The following CCSER1 variants were observed in gnomAD, a reference collection of about 807,000 sequenced individuals.
The protein encoded by CCSER1 is coiled-coil serine rich protein 1.
Under a neutral mutation model 82.0 loss-of-function variants are expected in CCSER1, and 41 were observed. That is an observed-to-expected ratio of 0.50 (90% CI 0.39 to 0.65). The LOEUF (loss-of-function observed/expected upper bound fraction) is 0.65, where lower values mean the gene tolerates loss of function less well. CCSER1 is among the 30% of genes least tolerant of loss of function. The pLI, the probability that CCSER1 is intolerant of heterozygous loss-of-function variation, is 0.00. For synonymous variants in CCSER1, 414 were observed against 383.9 expected (o/e 1.08, Z -0.92); for missense variants, 1,119 against 1,064.2 (o/e 1.05, Z -0.72).
chr4:91,461,406 G>A (rs1756490865), intron 10 of CCSER1, among the ~76,000 whole-genome samples: 1 of 151,980 alleles, frequency 6.6e-6, no homozygotes, highest in Admixed American at 6.6e-5. Flanking sequence ...GACCACACAG[G>A]TACAAAGTGG....
chr4:90,149,529 C>G (rs188383494), intron 1 of CCSER1, among the ~76,000 whole-genome samples: 1 of 152,174 alleles, frequency 6.6e-6, no homozygotes, highest in East Asian at 1.9e-4. Flanking sequence ...TGAGATTTCT[C>G]TAAGACAATC....
At chr4:91,053,945 G>A (rs539216888) in intron 9 of CCSER1, among the ~76,000 whole-genome samples, 5 of 152,256 alleles carry the variant, frequency 3.3e-5, no homozygotes, top group Non-Finnish European at 7.4e-5. Flanking sequence ...CCCTATGGAG[G>A]GACATGTGGA....
At chr4:90,547,962 T>C (rs1471417626) in intron 5 of CCSER1, among the ~76,000 whole-genome samples, 2 of 152,154 alleles carry the variant, frequency 1.3e-5, no homozygotes, top group Non-Finnish European at 2.9e-5. Flanking sequence ...TCCAAATAAA[T>C]AGGGCCATCT....
chr4:90,442,851 CAG>C (rs1760092684), intron 4 of CCSER1, among the ~76,000 whole-genome samples: 1 of 152,122 alleles, frequency 6.6e-6, no homozygotes, highest in South Asian at 2.1e-4. Context: ...ATTATGCTGA[CAG>C]AGAGAGTGCC....
intron 10 of CCSER1, among the ~76,000 whole-genome samples, chr4:91,258,718 A>G (rs750062927): frequency 4.6e-5 from 7 of 152,180 alleles, no homozygotes; most frequent in Non-Finnish European, 8.8e-5. Context: ...GTCAAGTCCT[A>G]TGCTAATATG....
chr4:90,424,445 G>T (rs909676590), intron 4 of CCSER1, among the ~76,000 whole-genome samples: 4 of 151,854 alleles, frequency 2.6e-5, no homozygotes, highest in Non-Finnish European at 5.9e-5. Flanking sequence ...TCAGTATACC[G>T]CTAACTATAA....
At chr4:91,334,963 C>G (rs550903457) in intron 10 of CCSER1, among the ~76,000 whole-genome samples, 4 of 151,610 alleles carry the variant, frequency 2.6e-5, no homozygotes, top group Non-Finnish European at 5.9e-5. Context: ...TTGAATTCTG[C>G]CTGAAGGTTT....
intron 1 of CCSER1, among the ~76,000 whole-genome samples, chr4:90,157,505 A>G (rs192925514): frequency 6.6e-6 from 1 of 152,308 alleles, no homozygotes; most frequent in African/African-American, 2.4e-5. Flanking sequence ...TCACTTTCAG[A>G]TACACCAATC....
At chr4:90,539,563 C>G (rs760207031) in intron 5 of CCSER1, among the ~76,000 whole-genome samples, 11 of 152,200 alleles carry the variant, frequency 7.2e-5, no homozygotes, top group Non-Finnish European at 1.2e-4. Flanking sequence ...CACTGGAATA[C>G]AGACTCTAAT....
In CCSER1 at chr4:91,538,702, T is replaced by TATTATATATATATATATATTATATATATA. The variant is rs1211686513; in HGVS notation, c.2218-59868_2218-59867insTATATATATATATATATTATATATATAAT. The stretch of plus-strand genomic sequence containing the variant: ...ATGATATATATTATATATACACATA[T>TATTATATATATATATATATTATATATATA]ATATATATAATATCTCAGTGCCATC... On this transcript the variant is annotated intron_variant, in intron 10 of 10. Transcript: ENST00000509176. Among the ~76,000 whole-genome samples the TATTATATATATATATATATTATATATATA allele has an allele frequency of 9.8e-3, 1,422 of 145,528 alleles. 23 individuals carry two copies. Among genetic ancestry groups the TATTATATATATATATATATTATATATATA allele is most frequent in the African/African-American group, 0.034 (1,345 of 39,588 alleles).
At chr4:90,903,868 A>G (rs1209129811) in intron 8 of CCSER1, among the ~76,000 whole-genome samples, 1 of 151,944 alleles carries the variant, frequency 6.6e-6, no homozygotes, top group Admixed American at 6.6e-5. Flanking sequence ...AGACAGGTAA[A>G]CATAGTAACC....
At chr4:90,863,713 G>A (rs146740013) in intron 8 of CCSER1, among the ~76,000 whole-genome samples, 51 of 151,844 alleles carry the variant, frequency 3.4e-4, no homozygotes, top group African/African-American at 1.2e-3. Context: ...AAGCAAAAAG[G>A]CAAAGAAAGA....
At chr4:90,234,502 C>T (rs1176761503) in intron 1 of CCSER1, among the ~76,000 whole-genome samples, 1 of 152,220 alleles carries the variant, frequency 6.6e-6, no homozygotes, top group East Asian at 1.9e-4. Context: ...CAGGCTTGAG[C>T]GACTGCGCCT....
rs142560147 is a variant in CCSER1 at position 90,829,618 on chromosome 4, C to G, written c.2094+13773C>G. Among the ~76,000 whole-genome samples, 84 of 152,030 alleles carry G rather than the reference C, an allele frequency of 5.5e-4. 1 individual carries two copies. The highest frequency in any genetic ancestry group is 2.0e-3 in the African/African-American group (83 of 41,444). The stretch of plus-strand genomic sequence containing the variant: ...AGGGGCATAGAGCAGAAAAAGAGAG[C>G]GAGGCAAGTTTCAGAGCAGGAGTGG... On this transcript the variant is annotated intron_variant, in intron 8 of 10. Transcript: ENST00000509176.
chr4:90,875,239 G>T (rs1767054154), intron 8 of CCSER1, among the ~76,000 whole-genome samples: 1 of 152,084 alleles, frequency 6.6e-6, no homozygotes, highest in Admixed American at 6.6e-5. Flanking sequence ...AGAAAAGGGG[G>T]ATGATAAATG....
chr4:90,442,931 C>A (rs1229916077), intron 4 of CCSER1, among the ~76,000 whole-genome samples: 1 of 151,806 alleles, frequency 6.6e-6, no homozygotes, highest in Non-Finnish European at 1.5e-5. Flanking sequence ...CAGTAATAGC[C>A]CCTTATCCTC....
intron 4 of CCSER1, among the ~76,000 whole-genome samples, chr4:90,458,484 T>C (rs996181469): frequency 6.6e-6 from 1 of 152,206 alleles, no homozygotes; most frequent in African/African-American, 2.4e-5. Flanking sequence ...TCCTGAGCAA[T>C]TGGGACTACA....
chr4:91,226,301 G>A (rs968140862), intron 10 of CCSER1, among the ~76,000 whole-genome samples: 73 of 151,924 alleles, frequency 4.8e-4, no homozygotes, highest in African/African-American at 1.7e-3. Context: ...CAGTTAATTT[G>A]GAAGAATATA....
chr4:90,946,639 A>AAAAGAG (rs1554048419), intron 9 of CCSER1, among the ~76,000 whole-genome samples: 1 of 148,646 alleles, frequency 6.7e-6, no homozygotes, highest in Non-Finnish European at 1.5e-5. Flanking sequence ...AAAAAAAAAA[A>AAAAGAG]AGAGATTATA....
Sources: allele counts gnomAD v4.1 joint callset (sites outside exome capture counted in the v4.1 genomes callset), GRCh38; gene constraint gnomAD v4.1.1; transcripts MANE v1.5; gene names NCBI Gene and HGNC (gene_info 2026-07-23, HGNC 2026-07-21).